Variants in MAGI1 observed in about 807,000 individuals in gnomAD.
The protein encoded by MAGI1 is membrane associated guanylate kinase, WW and PDZ domain containing 1.
In MAGI1, 58 loss-of-function variants were observed where a neutral mutation model predicts 139.9. That is an observed-to-expected ratio of 0.41 (90% CI 0.34 to 0.52). MAGI1 has a LOEUF of 0.52. Among genes scored for constraint, MAGI1 ranks in the 20% least tolerant of loss-of-function variants. MAGI1 has a pLI of 0.12. For synonymous variants in MAGI1, 812 were observed against 737.9 expected (o/e 1.10, Z -1.63); for missense variants, 1,874 against 1,901.6 (o/e 0.99, Z 0.27).
At chr3:65,481,246 T>C (rs1360175767) in intron 3 of MAGI1, among the ~76,000 whole-genome samples, 1 of 152,156 alleles carries the variant, frequency 6.6e-6, no homozygotes, top group Non-Finnish European at 1.5e-5. Flanking sequence ...GCATTCCACA[T>C]GTGTCTTTAG....
rs183228241 is a variant in MAGI1 at position 65,859,836 on chromosome 3, C to G, written c.313+178160G>C. ...AGTCAGCAAAATAAGTAGGTCCCCT[C>G]TGCTTTAACCCTTACCAAAAAGTAA... On this transcript the variant is annotated intron_variant, in intron 1 of 22. Transcript: ENST00000402939. 3.9e-5 allele frequency among the ~76,000 whole-genome samples: 6 copies of G among 152,032 alleles called. No homozygotes were observed. In the South Asian group the frequency reaches 1.0e-3, roughly 26 times the overall value.
intron 18 of MAGI1, among the ~76,000 whole-genome samples, chr3:65,370,911 T>C (rs1019900589): frequency 6.6e-6 from 1 of 152,232 alleles, no homozygotes. Flanking sequence ...CCTGCCTCAG[T>C]CTCCACAAGT....
chr3:65,365,288 C>A, intron 18 of MAGI1: 1 of 478,614 alleles, frequency 2.1e-6, no homozygotes, highest in Non-Finnish European at 4.0e-6. Context: ...CAAAGTGCTG[C>A]ACCACAGCAG....
At chr3:65,881,006 C>T (rs71306781) in intron 1 of MAGI1, among the ~76,000 whole-genome samples, 2,856 of 151,940 alleles carry the variant, frequency 0.019, 41 homozygotes, top group Non-Finnish European at 0.03. Flanking sequence ...CTCCCGGGCT[C>T]AAGCGATCTT....
chr3:65,551,425 C>T (rs1298163096), intron 2 of MAGI1, among the ~76,000 whole-genome samples: 1 of 152,170 alleles, frequency 6.6e-6, no homozygotes, highest in African/African-American at 2.4e-5. Flanking sequence ...CTCAGCTCCC[C>T]GAGTGGCTGG....
chr3:65,429,469 A>C (rs759627843), intron 12 of MAGI1, 51 bp downstream of exon 12: 9 of 1,523,412 alleles, frequency 5.9e-6, no homozygotes, highest in Non-Finnish European at 7.9e-6. Flanking sequence ...TAAGTTAAGC[A>C]ATGAATTTGG....
chr3:65,877,155 T>C (rs941759300), intron 1 of MAGI1, among the ~76,000 whole-genome samples: 3 of 152,202 alleles, frequency 2.0e-5, no homozygotes, highest in African/African-American at 7.2e-5. Flanking sequence ...GTGATCAACA[T>C]ACTCTGTGGT....
chr3:65,632,530 G>T (rs2084371370), intron 1 of MAGI1, among the ~76,000 whole-genome samples: 1 of 152,154 alleles, frequency 6.6e-6, no homozygotes, highest in Non-Finnish European at 1.5e-5. Flanking sequence ...AGAACATTCA[G>T]TGGATGTGTT....
chr3:65,406,072 G>C (rs1945318055), intron 12 of MAGI1, among the ~76,000 whole-genome samples: 1 of 152,068 alleles, frequency 6.6e-6, no homozygotes, highest in African/African-American at 2.4e-5. Flanking sequence ...AGAACATTTT[G>C]TTGCATTTTA....
At chr3:65,876,361 A>C (rs1455807389) in intron 1 of MAGI1, among the ~76,000 whole-genome samples, 2 of 151,976 alleles carry the variant, frequency 1.3e-5, no homozygotes, top group African/African-American at 4.8e-5. Flanking sequence ...CCCCCAAAAA[A>C]GGCAATATAA....
chr3:65,937,452 G>T (rs1438646044), intron 1 of MAGI1, among the ~76,000 whole-genome samples: 2 of 152,040 alleles, frequency 1.3e-5, no homozygotes, highest in African/African-American at 4.8e-5. Flanking sequence ...CCTGGAGGTG[G>T]CCCACAGGCC....
intron 2 of MAGI1, among the ~76,000 whole-genome samples, chr3:65,508,897 T>C (rs1279235321): frequency 6.6e-6 from 1 of 152,236 alleles, no homozygotes. Context: ...CAGCAACTGC[T>C]GATCAAGGGC....
chr3:65,792,921 G>GT lies in MAGI1; in HGVS notation c.314-170834dup, dbSNP rs529407269. ...GCTACTATAAATCACAACCTCCAAG[G>GT]TAAGAGCCTGGTTTTTGCATTTTAA... On this transcript the variant is annotated intron_variant, in intron 1 of 22. Transcript: ENST00000402939. Among the ~76,000 whole-genome samples, 226 of 152,236 alleles carry GT rather than the reference G, an allele frequency of 1.5e-3. 1 individual carries two copies. Among genetic ancestry groups the GT allele is most frequent in the South Asian group, 6.4e-3 (31 of 4,818 alleles).
intron 1 of MAGI1, among the ~76,000 whole-genome samples, chr3:65,845,332 C>G (rs2036072): frequency 0.61 from 92,881 of 151,698 alleles, 29,020 homozygotes; most frequent in East Asian, 0.94. Flanking sequence ...TCGTGGTTAA[C>G]ATGATGGGCC....
chr3:65,488,719 G>A (rs1383973562), intron 3 of MAGI1, among the ~76,000 whole-genome samples: 1 of 151,970 alleles, frequency 6.6e-6, no homozygotes, highest in Non-Finnish European at 1.5e-5. Context: ...TGCCCAGGCT[G>A]GAGTGCAGTG....
chr3:65,561,228 G>A (rs1006757998), intron 2 of MAGI1, among the ~76,000 whole-genome samples: 7 of 152,122 alleles, frequency 4.6e-5, no homozygotes, highest in African/African-American at 1.7e-4. Context: ...ATTTGGCAGA[G>A]CTATGAGTTA....
At chr3:65,993,938 T>C (rs1367971187) in intron 1 of MAGI1, among the ~76,000 whole-genome samples, 1 of 151,972 alleles carries the variant, frequency 6.6e-6, no homozygotes, top group African/African-American at 2.4e-5. Context: ...GTTTACCATC[T>C]CCTAAATAAG....
At chr3:65,449,001 T>A (rs1948850486) in intron 6 of MAGI1, among the ~76,000 whole-genome samples, 1 of 151,934 alleles carries the variant, frequency 6.6e-6, no homozygotes, top group Non-Finnish European at 1.5e-5. Flanking sequence ...GTGCCCAGTG[T>A]AGCCTTCTGC....
chr3:66,031,881 C>T (rs2068619075), intron 1 of MAGI1, among the ~76,000 whole-genome samples: 1 of 152,056 alleles, frequency 6.6e-6, no homozygotes, highest in African/African-American at 2.4e-5. Flanking sequence ...AAAAAAAATC[C>T]TCATCATCCT....
Sources: gnomAD v4.1 joint callset for allele counts (sites outside exome capture counted in the v4.1 genomes callset) on GRCh38, gnomAD v4.1.1 for gene constraint, MANE v1.5 for transcripts, NCBI Gene and HGNC (gene_info 2026-07-23, HGNC 2026-07-21) for gene names.